ABAT: variants seen among roughly 807,000 people sequenced by gnomAD.
ABAT encodes 4-aminobutyrate aminotransferase, also known as 4-aminobutyrate aminotransferase, mitochondrial.
In ABAT, 45 loss-of-function variants were observed where a neutral mutation model predicts 64.6. That is an observed-to-expected ratio of 0.70 (90% CI 0.55 to 0.89). ABAT has a LOEUF of 0.89. ABAT is among the 40% of genes least tolerant of loss of function. ABAT has a pLI of 0.00. For missense variants in ABAT, 633 were observed against 658.4 expected (o/e 0.96, Z 0.42); for synonymous variants, 297 against 250.5 (o/e 1.19, Z -1.75).
intron 2 of ABAT, among the ~76,000 whole-genome samples, chr16:8,740,140 C>G (rs1402268006): frequency 6.6e-6 from 1 of 152,106 alleles, no homozygotes; most frequent in Non-Finnish European, 1.5e-5. Flanking sequence ...GCCAGAGCCA[C>G]AGAGCTGATG....
intron 2 of ABAT, among the ~76,000 whole-genome samples, chr16:8,742,398 A>C (rs939286695): frequency 1.1e-4 from 16 of 152,344 alleles, no homozygotes; most frequent in African/African-American, 2.6e-4. Flanking sequence ...TCCTCATTTA[A>C]GAACAGCTTG....
chr16:8,681,003 A>T, intron 1 of ABAT, among the ~76,000 whole-genome samples: 2 of 144,616 alleles, frequency 1.4e-5, no homozygotes, highest in Non-Finnish European at 1.5e-5. Context: ...TTTGAGACAG[A>T]GTCTCACCCT....
At chr16:8,766,814 C>A (rs1012999159) in intron 9 of ABAT, among the ~76,000 whole-genome samples, 2 of 152,014 alleles carry the variant, frequency 1.3e-5, no homozygotes, top group African/African-American at 4.8e-5. Context: ...ACTAAAAATA[C>A]AAAAATTAGC....
chr16:8,752,021 T>A (rs982512529), intron 5 of ABAT, among the ~76,000 whole-genome samples: 1 of 152,204 alleles, frequency 6.6e-6, no homozygotes, highest in African/African-American at 2.4e-5. Flanking sequence ...GTTCTTCTGC[T>A]GCAGAAGAGC....
At chr16:8,689,961 A>T (rs1205039289) in intron 1 of ABAT, among the ~76,000 whole-genome samples, 1 of 152,230 alleles carries the variant, frequency 6.6e-6, no homozygotes, top group Non-Finnish European at 1.5e-5. Context: ...AACTATCCTA[A>T]GAACAATAAC....
At chr16:8,752,937 G>A (rs2142764177) in intron 5 of ABAT, among the ~76,000 whole-genome samples, 1 of 152,180 alleles carries the variant, frequency 6.6e-6, no homozygotes, top group South Asian at 2.1e-4. Context: ...CTCATTAAAT[G>A]GCTACAGCCA....
chr16:8,705,765 G>A (rs1438837522), intron 1 of ABAT, among the ~76,000 whole-genome samples: 1 of 151,956 alleles, frequency 6.6e-6, no homozygotes, highest in Non-Finnish European at 1.5e-5. Flanking sequence ...AGAGCAGATT[G>A]ACTCCACACC....
chr16:8,738,469 T>C (rs2059049081), intron 2 of ABAT: 1 of 455,954 alleles, frequency 2.2e-6, no homozygotes, highest in Non-Finnish European at 4.4e-6. Flanking sequence ...ACACATTGCA[T>C]TGATTTGTCT....
At chr16:8,745,140 G>A (rs149764511) in intron 2 of ABAT, among the ~76,000 whole-genome samples, 83 of 152,024 alleles carry the variant, frequency 5.5e-4, no homozygotes, top group Non-Finnish European at 7.8e-4. Flanking sequence ...GTACCACCAC[G>A]CCCAGCTAAT....
chr16:8,722,817 G>A (rs1473798491), intron 1 of ABAT: 1 of 1,289,154 alleles, frequency 7.8e-7, no homozygotes, highest in Non-Finnish European at 1.0e-6. Context: ...TAGAATCAAA[G>A]AGGGATATAC....
In ABAT at chr16:8,732,171, AG is replaced by A. The variant is rs1484303613; in HGVS notation, c.-41-3526del. Among the ~76,000 whole-genome samples the A allele has an allele frequency of 6.9e-5, 10 of 144,522 alleles. 1 individual carries two copies. The highest frequency in any genetic ancestry group is 1.5e-5 in the Non-Finnish European group (1 of 65,918). 94.8% of individuals were successfully genotyped at this position (144,522 alleles called of 152,430 possible). ...CCCAGACCCTCTATCTGTTTCTAGGAGGTTGACTACTTTAGGTTTTTTTTGT... is the reference window on the plus strand; with the variant it reads ...CCCAGACCCTCTATCTGTTTCTAGGAGTTGACTACTTTAGGTTTTTTTTGT... On this transcript the variant is annotated intron_variant, in intron 1 of 15. Coordinates refer to ENST00000268251, the MANE Select transcript of ABAT (RefSeq NM_020686.6).
chr16:8,752,374 C>T (rs1033940797), intron 5 of ABAT, among the ~76,000 whole-genome samples: 1 of 152,064 alleles, frequency 6.6e-6, no homozygotes, highest in Non-Finnish European at 1.5e-5. Context: ...GGGACTGTGA[C>T]CCACCCCCGA....
intron 6 of ABAT, among the ~76,000 whole-genome samples, chr16:8,763,164 T>C (rs921895985): frequency 1.1e-4 from 17 of 149,792 alleles, no homozygotes; most frequent in Non-Finnish European, 4.4e-5. Flanking sequence ...GTGCCAAGCA[T>C]GAGCATTTTC....
intron 5 of ABAT, among the ~76,000 whole-genome samples, chr16:8,752,471 A>G (rs910469164): frequency 6.6e-6 from 1 of 152,148 alleles, no homozygotes. Flanking sequence ...AAAAAACTAG[A>G]AGTTTGGTCG....
chr16:8,754,714 CTTTCTTTCTTTT>C lies in ABAT; in HGVS notation c.317-3039_317-3028del, dbSNP rs1567305388. Among the ~76,000 whole-genome samples, 13 of 105,994 alleles carry C rather than the reference CTTTCTTTCTTTT, an allele frequency of 1.2e-4. No individual in the cohort carries two copies. The East Asian group carries it at 3.3e-3, about 27-fold the overall frequency. 69.5% of individuals were successfully genotyped at this position (105,994 alleles called of 152,430 possible). A position where few individuals can be genotyped will look rare whatever the true frequency, so the allele number is the denominator to read the frequency against. On this transcript the variant is annotated intron_variant, in intron 5 of 15. Coordinates refer to ENST00000268251, the MANE Select transcript of ABAT (RefSeq NM_020686.6). ...TCTTTCTTTCTTTCTTTCTTTCTTTCTTTCTTTCTTTTTTTTTTCTTGAAAACGGAGTCCCAT... is the reference window on the plus strand; with the variant it reads ...TCTTTCTTTCTTTCTTTCTTTCTTTCTTTTTTCTTGAAAACGGAGTCCCAT...
At chr16:8,683,880 T>C (rs1006937130) in intron 1 of ABAT, among the ~76,000 whole-genome samples, 12 of 152,002 alleles carry the variant, frequency 7.9e-5, no homozygotes, top group African/African-American at 2.7e-4. Context: ...TCAATGAGTG[T>C]GTTCATTTAT....
chr16:8,770,324 A>G (rs922197635), intron 11 of ABAT, among the ~76,000 whole-genome samples: 2 of 152,150 alleles, frequency 1.3e-5, no homozygotes, highest in African/African-American at 4.8e-5. Context: ...TTTTTAATAG[A>G]GACAGGGTTT....
intron 1 of ABAT, among the ~76,000 whole-genome samples, chr16:8,732,514 G>A (rs2142336478): frequency 6.6e-6 from 1 of 151,644 alleles, no homozygotes; most frequent in African/African-American, 2.4e-5. Flanking sequence ...CACAGCACAT[G>A]TTTCAGAGAG....
chr16:8,708,187 T>A (rs3095512), intron 1 of ABAT, among the ~76,000 whole-genome samples: 105,827 of 151,928 alleles, frequency 0.7, 37,554 homozygotes, highest in East Asian at 0.85. Flanking sequence ...GGAGAGAGAA[T>A]TTGTTTGGTT....
Sources: gnomAD v4.1 joint callset for allele counts (sites outside exome capture counted in the v4.1 genomes callset) on GRCh38, gnomAD v4.1.1 for gene constraint, MANE v1.5 for transcripts, NCBI Gene and HGNC (gene_info 2026-07-23, HGNC 2026-07-21) for gene names.